Variants in IMMT observed in about 807,000 individuals in gnomAD.
IMMT encodes MICOS complex subunit MIC60.
In IMMT, 40 loss-of-function variants were observed where a neutral mutation model predicts 92.7. The ratio of observed to expected loss-of-function variants is 0.43; its 90% confidence interval spans 0.34 to 0.56. IMMT has a LOEUF of 0.56. IMMT is among the 20% of genes least tolerant of loss of function. IMMT has a pLI of 0.03. For missense variants in IMMT, 831 were observed against 912.1 expected (o/e 0.91, Z 1.14); for synonymous variants, 322 against 336.1 (o/e 0.96, Z 0.46).
chr2:86,190,742 C>T (rs1281235302), intron 1 of IMMT, among the ~76,000 whole-genome samples: 4 of 152,220 alleles, frequency 2.6e-5, no homozygotes, highest in Non-Finnish European at 5.9e-5. Context: ...GTAATCCCAG[C>T]ACTTTGGGAG....
chr2:86,148,966 T>C (rs1124685), intron 12 of IMMT, among the ~76,000 whole-genome samples: 41,576 of 152,116 alleles, frequency 0.27, 6,794 homozygotes, highest in East Asian at 0.58. Flanking sequence ...AACTTCTTGC[T>C]CTCACAGTGT....
chr2:86,169,732 G>A (rs545430727), intron 6 of IMMT, among the ~76,000 whole-genome samples: 8 of 148,676 alleles, frequency 5.4e-5, no homozygotes, highest in Non-Finnish European at 1.0e-4. Context: ...CTGACCTACC[G>A]AGGACAGCAA....
chr2:86,153,127 GAA>G (rs1675597845), intron 11 of IMMT, among the ~76,000 whole-genome samples: 1 of 152,186 alleles, frequency 6.6e-6, no homozygotes, highest in African/African-American at 2.4e-5. Context: ...ACAAGTGAAA[GAA>G]TGTGATATTT....
chr2:86,194,603 AT>A (rs1437529904), intron 1 of IMMT, among the ~76,000 whole-genome samples: 2 of 152,132 alleles, frequency 1.3e-5, no homozygotes, highest in East Asian at 3.8e-4. Context: ...AGGCTTTTTA[AT>A]TTTCAATTTT....
chr2:86,186,342 G>C (rs1314386476), intron 1 of IMMT, among the ~76,000 whole-genome samples: 3 of 152,138 alleles, frequency 2.0e-5, no homozygotes, highest in Admixed American at 6.5e-5. Flanking sequence ...AAAATTGACT[G>C]CAACAATACT....
intron 3 of IMMT, among the ~76,000 whole-genome samples, chr2:86,179,142 AT>A (rs1161272368): frequency 1.3e-5 from 2 of 152,236 alleles, no homozygotes; most frequent in Non-Finnish European, 2.9e-5. Flanking sequence ...TCTTGTCATC[AT>A]TCCCTAAATA....
At chr2:86,189,381 C>A (rs1054229446) in intron 1 of IMMT, among the ~76,000 whole-genome samples, 3 of 152,058 alleles carry the variant, frequency 2.0e-5, no homozygotes, top group African/African-American at 7.2e-5. Flanking sequence ...ATTACAGGCA[C>A]CTGCCACCAC....
chr2:86,181,708 A>T (rs1453809009), intron 1 of IMMT, among the ~76,000 whole-genome samples: 1 of 152,162 alleles, frequency 6.6e-6, no homozygotes, highest in East Asian at 1.9e-4. Context: ...CAAAAAAAAA[A>T]ATCTATTTTT....
intron 1 of IMMT, among the ~76,000 whole-genome samples, chr2:86,193,915 G>A (rs1271976492): frequency 6.6e-6 from 1 of 152,228 alleles, no homozygotes; most frequent in Non-Finnish European, 1.5e-5. Flanking sequence ...ATCCAGGTGG[G>A]CCTGGTCTAA....
intron 7 of IMMT, among the ~76,000 whole-genome samples, chr2:86,165,493 G>A (rs1029303125): frequency 6.6e-6 from 1 of 152,186 alleles, no homozygotes; most frequent in African/African-American, 2.4e-5. Flanking sequence ...ACATACGACT[G>A]AAACAATGTA....
intron 1 of IMMT, among the ~76,000 whole-genome samples, chr2:86,194,174 T>C (rs1180545759): frequency 1.3e-5 from 2 of 152,146 alleles, no homozygotes; most frequent in Non-Finnish European, 2.9e-5. Flanking sequence ...GCCAACAAAC[T>C]GCATGAGCCT....
chr2:86,186,758 G>A (rs1052204281), intron 1 of IMMT, among the ~76,000 whole-genome samples: 3 of 152,196 alleles, frequency 2.0e-5, no homozygotes, highest in African/African-American at 7.2e-5. Flanking sequence ...AAATTTTCCA[G>A]AACTGAGTAA....
At chr2:86,145,514 A>G (rs998538208) in intron 14 of IMMT, among the ~76,000 whole-genome samples, 12 of 150,870 alleles carry the variant, frequency 8.0e-5, no homozygotes, top group East Asian at 7.8e-4. Context: ...AAAAAAAAAA[A>G]AAAAGAAATG....
rs116713533 is a variant in IMMT at position 86,178,402 on chromosome 2, C to T, written c.309+1031G>A. ...CAGCACTTTGGGGGGCCGAGGCAGG[C>T]GGACCACAGGTCAGGAGTTCAAGAC... is the stretch of plus-strand genomic sequence containing the variant. On this transcript the variant is annotated intron_variant, in intron 3 of 14. Coordinates refer to ENST00000410111, the MANE Select transcript of IMMT (RefSeq NM_006839.3). Among the ~76,000 whole-genome samples the T allele has an allele frequency of 6.6e-3, 995 of 151,050 alleles. 12 individuals carry two copies. The highest frequency in any genetic ancestry group is 0.022 in the African/African-American group (920 of 41,062).
intron 1 of IMMT, among the ~76,000 whole-genome samples, chr2:86,184,491 T>C (rs1444450214): frequency 1.3e-5 from 2 of 152,090 alleles, no homozygotes; most frequent in East Asian, 3.8e-4. Flanking sequence ...TTTGTTATTG[T>C]TAATATAATA....
chr2:86,180,441 T>G (rs763386701), intron 2 of IMMT, among the ~76,000 whole-genome samples: 9 of 151,740 alleles, frequency 5.9e-5, no homozygotes, highest in Non-Finnish European at 1.2e-4. Context: ...AATTTTTTTA[T>G]TTTTAGTAGA....
intron 10 of IMMT, among the ~76,000 whole-genome samples, chr2:86,157,745 G>A (rs1022819799): frequency 2.4e-4 from 34 of 142,226 alleles, no homozygotes; most frequent in Non-Finnish European, 4.3e-4. Flanking sequence ...CCAAGATCGC[G>A]CCATTGCACT....
At chr2:86,166,392 A>T in intron 7 of IMMT, 116 bp downstream of exon 7, 2 of 851,778 alleles carry the variant, frequency 2.3e-6, no homozygotes, top group East Asian at 5.2e-5. Context: ...GAGAAAGCCG[A>T]TATCATACGG....
intron 1 of IMMT, among the ~76,000 whole-genome samples, chr2:86,182,189 C>T (rs544915843): frequency 6.6e-6 from 1 of 152,242 alleles, no homozygotes; most frequent in African/African-American, 2.4e-5. Flanking sequence ...ACCATTCATA[C>T]CTATTAATTT....
Sources: gnomAD v4.1 joint callset for allele counts (sites outside exome capture counted in the v4.1 genomes callset) on GRCh38, gnomAD v4.1.1 for gene constraint, MANE v1.5 for transcripts, NCBI Gene and HGNC (gene_info 2026-07-23, HGNC 2026-07-21) for gene names.